The following AGXT2 variants were observed in gnomAD, a reference collection of about 807,000 sequenced individuals.
AGXT2 encodes the protein alanine--glyoxylate aminotransferase 2, mitochondrial.
A neutral mutation model predicts 62.5 loss-of-function variants in AGXT2; 61 were observed. The ratio of observed to expected loss-of-function variants is 0.98; its 90% CI spans 0.79 to 1.21. The LOEUF (loss-of-function observed/expected upper bound fraction) is 1.21, where lower values mean the gene tolerates loss of function less well. Ranked by LOEUF, AGXT2 falls within the 50% of genes most tolerant of loss-of-function variation. AGXT2 has a pLI of 0.00. For synonymous variants in AGXT2, 243 were observed against 218.7 expected (o/e 1.11, Z -0.98); for missense variants, 666 against 641.5 (o/e 1.04, Z -0.41).
At chr5:35,025,246 C>T (rs1457171436) in intron 9 of AGXT2, among the ~76,000 whole-genome samples, 1 of 150,684 alleles carries the variant, frequency 6.6e-6, no homozygotes, top group Non-Finnish European at 1.5e-5. Flanking sequence ...CTTGGTGGCA[C>T]ATGCCTGTGG....
chr5:35,019,547 C>T (rs1282904372), intron 9 of AGXT2, among the ~76,000 whole-genome samples: 2 of 152,100 alleles, frequency 1.3e-5, no homozygotes, highest in Non-Finnish European at 2.9e-5. Context: ...ACAAAACATA[C>T]CAGAATCTCT....
intron 13 of AGXT2, among the ~76,000 whole-genome samples, chr5:35,002,070 C>T (rs1766246100): frequency 1.3e-5 from 2 of 152,074 alleles, no homozygotes; most frequent in South Asian, 4.1e-4. Context: ...TAGCACATAA[C>T]AAATTTTGCC....
At chr5:35,047,124 C>T (rs1400568002) in intron 1 of AGXT2, among the ~76,000 whole-genome samples, 1 of 152,142 alleles carries the variant, frequency 6.6e-6, no homozygotes, top group Non-Finnish European at 1.5e-5. Context: ...AAAATTCATG[C>T]AGATGCTTTA....
At chr5:35,004,529 G>C (rs558237414) in intron 12 of AGXT2, among the ~76,000 whole-genome samples, 1 of 152,298 alleles carries the variant, frequency 6.6e-6, no homozygotes, top group East Asian at 1.9e-4. Context: ...CATCCTTTCT[G>C]TGCGTCCCCT....
intron 9 of AGXT2, among the ~76,000 whole-genome samples, chr5:35,019,576 T>C (rs184123187): frequency 0.31 from 47,389 of 152,036 alleles, 8,218 homozygotes; most frequent in Non-Finnish European, 0.4. Flanking sequence ...TTCAAAGCAG[T>C]GTGTAGAGGG....
At chr5:35,018,645 C>T (rs1448179505) in intron 9 of AGXT2, among the ~76,000 whole-genome samples, 5 of 151,490 alleles carry the variant, frequency 3.3e-5, no homozygotes, top group African/African-American at 1.2e-4. Context: ...ACCATCGAGA[C>T]TAGGAAGAAA....
intron 7 of AGXT2, among the ~76,000 whole-genome samples, chr5:35,027,378 C>A (rs757503664): frequency 5.3e-5 from 8 of 152,076 alleles, no homozygotes; most frequent in Non-Finnish European, 8.8e-5. Flanking sequence ...TAATTCATTA[C>A]TTCTCCTTTT....
At chr5:35,002,403 C>G (rs979769421) in intron 13 of AGXT2, among the ~76,000 whole-genome samples, 8 of 152,228 alleles carry the variant, frequency 5.3e-5, no homozygotes, top group African/African-American at 1.9e-4. Context: ...GATGGAAGAT[C>G]TAGATTTGAA....
Position 34,998,606 on chromosome 5 carries a change from T to C in AGXT2, c.*113A>G. The C allele has an allele frequency of 1.2e-6, 1 of 828,018 alleles. No homozygotes were observed. The allele number at this position is 828,018 out of a possible 1,614,324, so 51.3% of individuals were successfully genotyped here. A position where few individuals can be genotyped will look rare whatever the true frequency, so the allele number is the denominator to read the frequency against. On this transcript the variant is annotated 3_prime_UTR_variant, in exon 14 of 14. Transcript: ENST00000231420. ...TCAACCATGACTTTTACAGCTCCTG[T>C]GGAGAGCTGCAGGCTTTCTCTGGAT...
At chr5:35,013,110 C>T (rs1766706359) in intron 10 of AGXT2, 65 bp from the exon 11 acceptor site, 1 of 1,373,820 alleles carries the variant, frequency 7.3e-7, no homozygotes, top group Non-Finnish European at 1.0e-6. Context: ...TCTCATCGCG[C>T]CATTTGGACT....
At chr5:35,027,262 A>G (rs1767392983) in intron 7 of AGXT2, among the ~76,000 whole-genome samples, 1 of 152,170 alleles carries the variant, frequency 6.6e-6, no homozygotes, top group Non-Finnish European at 1.5e-5. Flanking sequence ...GGCTGGAGTG[A>G]GACATTGAGC....
intron 1 of AGXT2, among the ~76,000 whole-genome samples, chr5:35,042,981 T>C (rs1402520346): frequency 1.3e-5 from 2 of 152,172 alleles, no homozygotes; most frequent in Admixed American, 6.5e-5. Flanking sequence ...ACTTGAGACA[T>C]TGAAAGATGG....
rs1324079341 is a variant in AGXT2, at chr5:34,998,357, C to G, written c.*362G>C. The G allele has an allele frequency of 6.7e-6, 2 of 300,092 alleles. No homozygotes were observed. Among genetic ancestry groups the G allele is most frequent in the Non-Finnish European group, 1.3e-5 (2 of 159,110 alleles). The allele number at this position is 300,092 out of a possible 1,614,324, so 18.6% of individuals were successfully genotyped here. ...AACTGAAGAGTGAGGGTGAAGAAAA[C>G]TTTCCCTGAAGGCACCTCCACCAAA... is the stretch of plus-strand genomic sequence containing the variant. On this transcript the variant is annotated 3_prime_UTR_variant, in exon 14 of 14. Coordinates refer to ENST00000231420, the MANE Select transcript of AGXT2 (RefSeq NM_031900.4).
chr5:35,047,413 A>C (rs183351606), intron 1 of AGXT2, among the ~76,000 whole-genome samples: 2 of 152,310 alleles, frequency 1.3e-5, no homozygotes, highest in East Asian at 3.9e-4. Flanking sequence ...ACTGTACTCC[A>C]ACCTAGGTGA....
At chr5:35,003,560 G>A (rs369780749) in intron 13 of AGXT2, among the ~76,000 whole-genome samples, 1 of 150,450 alleles carries the variant, frequency 6.6e-6, no homozygotes, top group South Asian at 2.1e-4. Context: ...AGTGGCCTGA[G>A]AGCTGCACTG....
At chr5:35,007,594 T>C (rs1208460088) in intron 12 of AGXT2, among the ~76,000 whole-genome samples, 1 of 152,184 alleles carries the variant, frequency 6.6e-6, no homozygotes, top group Non-Finnish European at 1.5e-5. Flanking sequence ...GTAATTGCAT[T>C]GAGGGGACAG....
At chr5:35,037,871 A>G (rs917726956) in intron 3 of AGXT2, among the ~76,000 whole-genome samples, 1 of 152,238 alleles carries the variant, frequency 6.6e-6, no homozygotes, top group Admixed American at 6.5e-5. Context: ...AATAGGGGCT[A>G]AGGATGACAG....
Position 35,035,254 on chromosome 5 carries a change from C to A in AGXT2, c.549G>T (p.Ala183=), listed in dbSNP as rs748697594. 4 of 1,613,970 alleles carry A rather than the reference C, an allele frequency of 2.5e-6. No individual in the cohort carries two copies. Among genetic ancestry groups the A allele is most frequent in the African/African-American group, 2.7e-5 (2 of 74,916 alleles). Residue 183 remains alanine, a synonymous_variant, in exon 5 of 14, where the codon GCG becomes GCT. Transcript: ENST00000231420. Reference sequence around the variant, plus strand: ...AAATGATGTCTATGTTGTTTGAGTGCGCCCTGGCCATCAGCATGGCCAGCT... The same window carrying A: ...AAATGATGTCTATGTTGTTTGAGTGAGCCCTGGCCATCAGCATGGCCAGCT... ...ANELAMLMAR[A]HSNNIDIISF... is the part of the protein sequence containing the mutation.
intron 2 of AGXT2, 105 bp from the exon 3 acceptor site, chr5:35,039,613 G>A (rs1580610393): frequency 8.7e-6 from 11 of 1,258,644 alleles, no homozygotes; most frequent in Non-Finnish European, 1.3e-5. Context: ...GAAGAGGGCT[G>A]CTGGCCTGTA....
Sources: gnomAD v4.1 joint callset for allele counts (sites outside exome capture counted in the v4.1 genomes callset) on GRCh38, gnomAD v4.1.1 for gene constraint, MANE v1.5 for transcripts, NCBI Gene and HGNC (gene_info 2026-07-23, HGNC 2026-07-21) for gene names.